The following SIK2 variants were observed in gnomAD, a reference collection of about 807,000 sequenced individuals.
SIK2 encodes the protein serine/threonine-protein kinase SIK2.
A neutral mutation model predicts 103.2 loss-of-function variants in SIK2; 29 were observed. The observed-to-expected ratio is 0.28, with a 90% CI of 0.21 to 0.38. The LOEUF (loss-of-function observed/expected upper bound fraction) is 0.38. Ranked by LOEUF, SIK2 falls within the 10% of genes least tolerant of loss-of-function variation. The pLI, the probability that SIK2 is intolerant of heterozygous loss-of-function variation, is 1.00. For synonymous variants in SIK2, 412 were observed against 446.1 expected (o/e 0.92, Z 0.96); for missense variants, 879 against 1,171.0 (o/e 0.75, Z 3.64).
Position 111,719,768 on chromosome 11 carries a change from C to T in SIK2, c.1267-7C>T, listed in dbSNP as rs368460089. ...AAACTGAGTTTCCTCTCTCCCCTGG[C>T]GTTTAGGTCAATGGCTGTCTGCTTG... On this transcript the variant is annotated splice_polypyrimidine_tract_variant and splice_region_variant and intron_variant, in intron 9 of 14. Transcript: ENST00000304987. 7 of 1,610,702 alleles carry T rather than the reference C, an allele frequency of 4.3e-6. No individual in the cohort carries two copies. The highest frequency in any genetic ancestry group is 2.2e-5 in the East Asian group (1 of 44,862).
chr11:111,712,883 G>A lies in SIK2; in HGVS notation c.1266+508G>A, dbSNP rs536043140. Among the ~76,000 whole-genome samples, 207 of 152,238 alleles carry A rather than the reference G, an allele frequency of 1.4e-3. 1 individual carries two copies. The highest frequency in any genetic ancestry group is 3.0e-3 in the Admixed American group (46 of 15,296). Reference sequence around the variant, plus strand: ...GAAATGTTTAAAAGTTAATGTGCTGGGCCAGGCACAGTGGCTCAAGCCTGT... The same window carrying A: ...GAAATGTTTAAAAGTTAATGTGCTGAGCCAGGCACAGTGGCTCAAGCCTGT... On this transcript the variant is annotated intron_variant, in intron 9 of 14. Transcript: ENST00000304987.
chr11:111,619,395 A>C (rs1301046187), intron 2 of SIK2, among the ~76,000 whole-genome samples: 3 of 151,974 alleles, frequency 2.0e-5, no homozygotes, highest in Admixed American at 2.0e-4. Context: ...ATTTATTTTT[A>C]TATATTTATT....
At chr11:111,655,259 G>A (rs1296482315) in intron 3 of SIK2, among the ~76,000 whole-genome samples, 8 of 152,042 alleles carry the variant, frequency 5.3e-5, no homozygotes, top group African/African-American at 9.7e-5. Flanking sequence ...AAAATTAGCC[G>A]GGCATGGTGC....
chr11:111,605,256 C>A (rs1008691345), intron 1 of SIK2, among the ~76,000 whole-genome samples: 6 of 152,140 alleles, frequency 3.9e-5, no homozygotes, highest in African/African-American at 1.4e-4. Flanking sequence ...AGCCACCGCG[C>A]CTGGCCCAAT....
At chr11:111,700,107 T>C (rs1943178587) in intron 4 of SIK2, among the ~76,000 whole-genome samples, 2 of 152,238 alleles carry the variant, frequency 1.3e-5, no homozygotes, top group African/African-American at 2.4e-5. Flanking sequence ...CTTGCATTTG[T>C]AACAATACTT....
At chr11:111,703,664 G>A (rs1943270478) in intron 7 of SIK2, among the ~76,000 whole-genome samples, 2 of 152,180 alleles carry the variant, frequency 1.3e-5, no homozygotes, top group Non-Finnish European at 2.9e-5. Flanking sequence ...ACTCAGAAAA[G>A]GCAAAGATGG....
intron 3 of SIK2, among the ~76,000 whole-genome samples, chr11:111,662,504 G>A (rs537982838): frequency 6.6e-6 from 1 of 152,090 alleles, no homozygotes; most frequent in East Asian, 1.9e-4. Context: ...GTCCCAGCAC[G>A]TTGGAAGGCT....
At position 111,701,415 on chromosome 11, in the gene SIK2, C is replaced by T; in HGVS notation, c.604-37C>T. ...AGGAAAACAAAGAGTGTTTGACGTT[C>T]TTGGTAGAAAAGTCTCTGCATTGTT... is the stretch of plus-strand genomic sequence containing the variant. On this transcript the variant is annotated intron_variant, in intron 5 of 14. Transcript: ENST00000304987. This position sits in a 1 kb window ranked among gnomAD's most constrained non-coding sequence, Gnocchi z 4.2. 1 of 1,597,502 alleles carries T rather than the reference C, an allele frequency of 6.3e-7. No homozygotes were observed. Among genetic ancestry groups the T allele is most frequent in the Non-Finnish European group, 8.6e-7 (1 of 1,168,874 alleles).
At chr11:111,675,016 CT>C (rs1324815074) in intron 3 of SIK2, among the ~76,000 whole-genome samples, 1 of 152,224 alleles carries the variant, frequency 6.6e-6, no homozygotes, top group Non-Finnish European at 1.5e-5. Flanking sequence ...TCCCAAAGTG[CT>C]GGGACTACAG....
intron 3 of SIK2, among the ~76,000 whole-genome samples, chr11:111,622,937 C>CTA (rs1368184903): frequency 1.3e-5 from 2 of 152,062 alleles, no homozygotes; most frequent in African/African-American, 4.8e-5. Context: ...GGATCTGTGA[C>CTA]TATACTCTTT....
chr11:111,633,003 A>G (rs1228639895), intron 3 of SIK2, among the ~76,000 whole-genome samples: 1 of 152,140 alleles, frequency 6.6e-6, no homozygotes, highest in Non-Finnish European at 1.5e-5. Context: ...TGGCCAATGA[A>G]CTGCTTACCA....
chr11:111,719,046 G>A (rs540787981), intron 9 of SIK2, among the ~76,000 whole-genome samples: 11 of 152,314 alleles, frequency 7.2e-5, no homozygotes, highest in African/African-American at 1.7e-4. Context: ...CATCGATAAC[G>A]TATATGTTGC....
At chr11:111,709,885 G>C (rs140776445) in intron 8 of SIK2, among the ~76,000 whole-genome samples, 3 of 152,206 alleles carry the variant, frequency 2.0e-5, no homozygotes, top group African/African-American at 7.2e-5. Context: ...TATGTGCTAC[G>C]CTTGGTCTGG....
intron 3 of SIK2, among the ~76,000 whole-genome samples, chr11:111,629,450 A>G (rs1233999310): frequency 6.6e-6 from 1 of 152,218 alleles, no homozygotes; most frequent in Non-Finnish European, 1.5e-5. Context: ...TAAAGCAAAC[A>G]TGATTGAAGA....
At chr11:111,721,809 T>G (rs751956003) in intron 12 of SIK2, 21 bp from the exon 13 acceptor site, 2 of 1,579,380 alleles carry the variant, frequency 1.3e-6, no homozygotes, top group Non-Finnish European at 1.7e-6. Flanking sequence ...TGAAAATTGT[T>G]TCCACCCCCT....
intron 3 of SIK2, among the ~76,000 whole-genome samples, chr11:111,639,253 T>A (rs1942150123): frequency 1.3e-5 from 2 of 151,976 alleles, no homozygotes; most frequent in Non-Finnish European, 2.9e-5. Flanking sequence ...AGCAAAGACT[T>A]AATAGCAGAT....
In SIK2 at chr11:111,726,228, T is replaced by G. The variant is rs910007936; in HGVS notation, c.*2099T>G. 2.0e-5 allele frequency: 3 copies of G among 152,198 alleles called. 1 individual carries two copies. The highest frequency in any genetic ancestry group is 4.4e-5 in the Non-Finnish European group (3 of 68,034). 9.4% of individuals were successfully genotyped at this position (152,198 alleles called of 1,614,324 possible). ...CAGATTGAAAATGGGGGCCACTCAT[T>G]TCAGAACTGCAGGAATGGTGTAGTT... On this transcript the variant is annotated 3_prime_UTR_variant, in exon 15 of 15. Transcript: ENST00000304987.
chr11:111,604,897 G>A (rs947876539), intron 1 of SIK2, among the ~76,000 whole-genome samples: 26 of 152,036 alleles, frequency 1.7e-4, no homozygotes, highest in African/African-American at 6.3e-4. Context: ...TAAGTGAAAT[G>A]TCAAAGCAAT....
In SIK2 at chr11:111,705,307, T is replaced by G. The variant is rs1174456460; in HGVS notation, c.1101+168T>G. Reference sequence around the variant, plus strand: ...TCTCAAATGTTTTAGCACTTCCTCATTTTTAAGGGTTAACTTTATTTCAAA... The same window carrying G: ...TCTCAAATGTTTTAGCACTTCCTCAGTTTTAAGGGTTAACTTTATTTCAAA... On this transcript the variant is annotated intron_variant, in intron 8 of 14. Transcript: ENST00000304987. The surrounding 1 kb of genome is among the most constrained non-coding windows in gnomAD (Gnocchi z 4.3). Among the ~76,000 whole-genome samples the G allele has an allele frequency of 6.6e-6, 1 of 152,248 alleles. No homozygotes were observed. Among genetic ancestry groups the G allele is most frequent in the African/African-American group, 2.4e-5 (1 of 41,468 alleles).
Sources: gnomAD v4.1 joint callset for allele counts (sites outside exome capture counted in the v4.1 genomes callset) on GRCh38, gnomAD v4.1.1 for gene constraint, Gnocchi (gnomAD v3.1) non-coding constraint, MANE v1.5 for transcripts, NCBI Gene and HGNC (gene_info 2026-07-23, HGNC 2026-07-21) for gene names.